The following PUDP variants were observed in gnomAD, a reference collection of about 807,000 sequenced individuals.
The protein encoded by PUDP is pseudouridine-5'-phosphatase.
Under a neutral mutation model 9.4 loss-of-function variants are expected in PUDP, and 8 were observed. The observed-to-expected ratio is 0.85, with a 90% CI of 0.50 to 1.53. PUDP has a LOEUF of 1.53. PUDP is among the 40% of genes most tolerant of loss of function. The probability of loss-of-function intolerance (pLI) is 0.00; values close to 1 mark genes in which losing one functional copy is unlikely to be tolerated. For missense variants in PUDP, 188 were observed against 189.7 expected, an observed-to-expected ratio of 0.99 and a Z score of 0.05; for synonymous variants, 99 against 80.7, an observed-to-expected ratio of 1.23 and a Z score of -1.22.
At chrX:6,919,604 T>G (rs1302407240) in intron 3 of PUDP, among the ~76,000 whole-genome samples, 1 of 109,817 alleles carries the variant, frequency 9.1e-6, no homozygotes, top group Non-Finnish European at 1.9e-5. Context: ...ACCCGTAGGT[T>G]TCTGATCCAA....
intron 3 of PUDP, among the ~76,000 whole-genome samples, chrX:6,776,407 T>C (rs906154859): frequency 5.4e-5 from 6 of 110,381 alleles, no homozygotes; most frequent in African/African-American, 2.0e-4. Flanking sequence ...AGTGGGAGCC[T>C]GTAGTCCCAG....
At chrX:6,853,771 A>T (rs1926864501) in intron 3 of PUDP, among the ~76,000 whole-genome samples, 1 of 109,705 alleles carries the variant, frequency 9.1e-6, no homozygotes. Context: ...ATGTTTTTAA[A>T]TTTTTTTTTA....
chrX:7,038,803 A>T (rs1245680853), intron 1 of PUDP, among the ~76,000 whole-genome samples: 1 of 112,174 alleles, frequency 8.9e-6, no homozygotes, highest in African/African-American at 3.2e-5. Context: ...GATGGAAGAA[A>T]ATCCTAGGTT....
chrX:7,066,892 C>T (rs370120892), intron 3 of PUDP, among the ~76,000 whole-genome samples: 12 of 111,792 alleles, frequency 1.1e-4, no homozygotes, highest in African/African-American at 3.3e-4. Flanking sequence ...CACACGTGTG[C>T]GCACATGCAT....
chrX:7,080,103 G>C (rs1169686434), intron 2 of PUDP, among the ~76,000 whole-genome samples: 2 of 111,923 alleles, frequency 1.8e-5, no homozygotes, highest in Non-Finnish European at 3.8e-5. Flanking sequence ...AAAAAATAAA[G>C]AAGATCCAAA....
chrX:7,024,687 C>T (rs1487062071), intron 1 of PUDP, among the ~76,000 whole-genome samples: 1 of 105,302 alleles, frequency 9.5e-6, no homozygotes, highest in Non-Finnish European at 1.9e-5. Flanking sequence ...TCCGGGTTCA[C>T]GCCATTCTCC....
intron 3 of PUDP, among the ~76,000 whole-genome samples, chrX:6,956,595 G>A (rs1048561502): frequency 9.0e-6 from 1 of 111,454 alleles, no homozygotes; most frequent in African/African-American, 3.3e-5. Flanking sequence ...AATGTTCTTA[G>A]CTTCTGTCTC....
chrX:6,921,146 A>G (rs1928016268), intron 3 of PUDP, among the ~76,000 whole-genome samples: 2 of 110,798 alleles, frequency 1.8e-5, no homozygotes, highest in Non-Finnish European at 3.8e-5. Context: ...GCACTTTGGG[A>G]GGCGAGGTGG....
chrX:7,076,753 C>T (rs1269501604), intron 3 of PUDP, among the ~76,000 whole-genome samples: 1 of 111,980 alleles, frequency 8.9e-6, no homozygotes, highest in Non-Finnish European at 1.9e-5. Flanking sequence ...AAAAACCCAG[C>T]GTCACTACAC....
chrX:6,939,194 A>G (rs1333096755), intron 3 of PUDP, among the ~76,000 whole-genome samples: 1 of 110,046 alleles, frequency 9.1e-6, no homozygotes, highest in Non-Finnish European at 1.9e-5. Flanking sequence ...GTGTGGAAGG[A>G]AAATATGTTA....
intron 3 of PUDP, among the ~76,000 whole-genome samples, chrX:6,937,121 G>C (rs1928316794): frequency 1.0e-5 from 1 of 99,681 alleles, no homozygotes; most frequent in Non-Finnish European, 2.0e-5. Flanking sequence ...CACAGAATTG[G>C]AAAAAACTAC....
At chrX:6,997,128 G>A (rs1364946309) in intron 1 of PUDP, among the ~76,000 whole-genome samples, 1 of 112,288 alleles carries the variant, frequency 8.9e-6, no homozygotes, top group African/African-American at 3.2e-5. Context: ...GGGCAGGGCT[G>A]GGTTGTGTAT....
At chrX:6,814,505 A>G (rs1473311003) in intron 3 of PUDP, among the ~76,000 whole-genome samples, 3 of 111,388 alleles carry the variant, frequency 2.7e-5, no homozygotes, top group Non-Finnish European at 5.6e-5. Flanking sequence ...TTGTTTTAAT[A>G]TTAATAATAA....
chrX:7,133,226 C>T (rs1180312766), intron 1 of PUDP, among the ~76,000 whole-genome samples: 1 of 111,605 alleles, frequency 9.0e-6, no homozygotes, highest in East Asian at 2.8e-4. Flanking sequence ...TAGGAAGAGC[C>T]TGTGGTCACT....
At chrX:6,748,610 C>T (rs1925028161) in intron 3 of PUDP, among the ~76,000 whole-genome samples, 1 of 111,187 alleles carries the variant, frequency 9.0e-6, no homozygotes, top group Admixed American at 9.6e-5. Flanking sequence ...TTAAGACAAT[C>T]CCTTAAAAAA....
At chrX:6,914,855 C>T (rs1203771417) in intron 3 of PUDP, among the ~76,000 whole-genome samples, 4 of 112,445 alleles carry the variant, frequency 3.6e-5, no homozygotes, top group African/African-American at 1.3e-4. Flanking sequence ...ATAAAGTGAA[C>T]CACCCTCTAC....
At chrX:6,918,167 A>T (rs1054626649) in intron 3 of PUDP, among the ~76,000 whole-genome samples, 25 of 112,058 alleles carry the variant, frequency 2.2e-4, no homozygotes, top group African/African-American at 6.8e-4. Flanking sequence ...CTCTTCTTTG[A>T]TTTCCCACGC....
intron 3 of PUDP, among the ~76,000 whole-genome samples, chrX:6,970,976 G>A (rs776409151): frequency 1.3e-4 from 14 of 110,895 alleles, no homozygotes; most frequent in Non-Finnish European, 2.5e-4. Context: ...GCTTGAACCT[G>A]GGAGGTGGAG....
At position 6,914,767 on chromosome X, in the gene PUDP, T is replaced by C. The variant is rs187244001; in HGVS notation, c.*247+62366A>G. On this transcript the variant is annotated intron_variant and NMD_transcript_variant, in intron 3 of 3. Transcript: ENST00000655425. ...AGCACATCTCATGCTCACATTATTATGGTACCGAAAGAATCAACAGTGATA... is the reference window on the plus strand; with the variant it reads ...AGCACATCTCATGCTCACATTATTACGGTACCGAAAGAATCAACAGTGATA... Among the ~76,000 whole-genome samples the C allele has an allele frequency of 6.2e-5, 7 of 112,646 alleles. No homozygotes were observed. The East Asian group carries it at 1.4e-3, about 22-fold the overall frequency.
Sources: gnomAD v4.1 joint callset for allele counts (sites outside exome capture counted in the v4.1 genomes callset) on GRCh38, gnomAD v4.1.1 for gene constraint, MANE v1.5 for transcripts, NCBI Gene and HGNC (gene_info 2026-07-23, HGNC 2026-07-21) for gene names.